Variants in MRC1 observed in about 807,000 individuals in gnomAD.
MRC1 encodes mannose receptor C-type 1.
Under a neutral mutation model 102.9 loss-of-function variants are expected in MRC1, and 62 were observed. The observed-to-expected ratio is 0.60, with a 90% CI of 0.49 to 0.74. The LOEUF is 0.74. MRC1 is among the 30% of genes least tolerant of loss of function. The pLI, the probability that MRC1 is intolerant of heterozygous loss-of-function variation, is 0.00. For synonymous variants in MRC1, 457 were observed against 298.4 expected (o/e 1.53, Z -5.48); for missense variants, 1,237 against 862.8 (o/e 1.43, Z -5.43).
At chr10:17,866,436 C>G (rs1358886398) in intron 11 of MRC1, 126 bp from the exon 12 acceptor site, 3 of 765,614 alleles carry the variant, frequency 3.9e-6, no homozygotes, top group Non-Finnish European at 7.3e-6. Context: ...GTTACAAACC[C>G]CCCTGCATCT....
At position 17,861,595 on chromosome 10, in the gene MRC1, A is replaced by C; in HGVS notation, c.1634+93A>C. 20 of 727,616 alleles carry C rather than the reference A, an allele frequency of 2.7e-5. No homozygotes were observed. In the South Asian group the frequency reaches 2.9e-4, roughly 11 times the overall value. 45.1% of individuals were successfully genotyped at this position (727,616 alleles called of 1,614,324 possible). A position where few individuals can be genotyped will look rare whatever the true frequency, so the allele number is the denominator to read the frequency against. On this transcript the variant is annotated intron_variant, in intron 10 of 29. Coordinates refer to ENST00000569591, the MANE Select transcript of MRC1 (RefSeq NM_002438.4). ...ATCAACATGCTCTAAATTTCTGAGT[A>C]TGTGTGATCTTGAGGTATGATTTGT...
At chr10:17,870,421 CT>C (rs1833338204) in intron 13 of MRC1, 48 bp downstream of exon 13, 2 of 779,258 alleles carry the variant, frequency 2.6e-6, no homozygotes, top group South Asian at 2.7e-5. Context: ...CTAGTTGGTG[CT>C]TATGAAGTTG....
At chr10:17,819,853 C>G (rs2461141) in intron 1 of MRC1, among the ~76,000 whole-genome samples, 81,211 of 151,960 alleles carry the variant, frequency 0.53, 21,867 homozygotes, top group Middle Eastern at 0.62. Flanking sequence ...GCTGAAGTGG[C>G]AGGATCGCTT....
In MRC1 at chr10:17,847,793, T is replaced by C. The variant is rs1838847626; in HGVS notation, c.1064-1786T>C. ...TTGTTTTCATGCTTTCAAATATGTT[T>C]AAAGTTCATCATTTCAGTTTTTGAA... On this transcript the variant is annotated intron_variant, in intron 6 of 29. Coordinates refer to ENST00000569591, the MANE Select transcript of MRC1 (RefSeq NM_002438.4). 6.5e-5 allele frequency among the ~76,000 whole-genome samples: 9 copies of C among 137,848 alleles called. 1 individual carries two copies. The South Asian group carries it at 2.0e-3, about 31-fold the overall frequency. 90.4% of individuals were successfully genotyped at this position (137,848 alleles called of 152,430 possible).
intron 1 of MRC1, among the ~76,000 whole-genome samples, chr10:17,816,859 C>T (rs1193089106): frequency 2.6e-5 from 4 of 152,164 alleles, no homozygotes; most frequent in Admixed American, 2.0e-4. Flanking sequence ...ACTTATCTCC[C>T]TGAACAATCA....
chr10:17,876,660 TTA>T (rs1833441665), intron 17 of MRC1, among the ~76,000 whole-genome samples: 1 of 152,218 alleles, frequency 6.6e-6, no homozygotes, highest in Admixed American at 6.5e-5. Flanking sequence ...TAACTAGTTG[TTA>T]TATGTCAGTC....
At chr10:17,909,210 A>G (rs2130727997) in intron 28 of MRC1, 96 bp from the exon 29 acceptor site, 1 of 736,076 alleles carries the variant, frequency 1.4e-6, no homozygotes, top group Middle Eastern at 2.5e-4. Context: ...CACACATCAA[A>G]TGTGGAGGAT....
chr10:17,906,986 C>T lies in MRC1; in HGVS notation c.3900C>T (p.Phe1300=). 5.1e-6 allele frequency: 4 copies of T among 784,742 alleles called. No homozygotes were observed. The highest frequency in any genetic ancestry group is 2.4e-5 in the East Asian group (1 of 41,220). The allele number at this position is 784,742 out of a possible 1,614,324, so 48.6% of individuals were successfully genotyped here. A position where few individuals can be genotyped will look rare whatever the true frequency, so the allele number is the denominator to read the frequency against. ...KSKTNFWIGL[F]RNVEGTWLWI... ...AAACCAATTTTTGGATAGGATTGTT[C>T]AGAAATGTTGAAGGTAATTTTTGCA... Residue 1300 remains phenylalanine, a synonymous_variant, in exon 27 of 30, where the codon TTC becomes TTT. Transcript: ENST00000569591.
chr10:17,876,985 C>T (rs953345911), intron 17 of MRC1, among the ~76,000 whole-genome samples: 1 of 151,714 alleles, frequency 6.6e-6, no homozygotes, highest in Admixed American at 6.6e-5. Context: ...TATAAAGGTA[C>T]TAGAGTATAC....
At chr10:17,825,435 T>C (rs1457549369) in intron 2 of MRC1, among the ~76,000 whole-genome samples, 9 of 152,150 alleles carry the variant, frequency 5.9e-5, no homozygotes, top group African/African-American at 2.2e-4. Flanking sequence ...TCAGTAGTTA[T>C]TAAACAGAGT....
intron 1 of MRC1, among the ~76,000 whole-genome samples, chr10:17,814,844 T>C (rs1838286351): frequency 6.6e-6 from 1 of 151,908 alleles, no homozygotes; most frequent in Non-Finnish European, 1.5e-5. Context: ...TTTGTATTTT[T>C]AGTAGAGACG....
At chr10:17,835,656 C>T (rs1838651379) in intron 4 of MRC1, among the ~76,000 whole-genome samples, 2 of 152,178 alleles carry the variant, frequency 1.3e-5, no homozygotes, top group Admixed American at 1.3e-4. Context: ...CAAACATTTG[C>T]TGACTGACAT....
chr10:17,814,743 T>C (rs968318389), intron 1 of MRC1, among the ~76,000 whole-genome samples: 6 of 137,792 alleles, frequency 4.4e-5, no homozygotes, highest in Middle Eastern at 4.4e-3. Context: ...TGGAGTGCAG[T>C]GGCGCCATCT....
intron 6 of MRC1, among the ~76,000 whole-genome samples, chr10:17,847,830 G>A (rs963455988): frequency 1.3e-4 from 19 of 151,896 alleles, no homozygotes; most frequent in African/African-American, 4.6e-4. Context: ...GACAGCATTG[G>A]CTGATACTAT....
At chr10:17,895,556 G>A (rs2130711286) in intron 23 of MRC1, among the ~76,000 whole-genome samples, 1 of 152,138 alleles carries the variant, frequency 6.6e-6, no homozygotes, top group Middle Eastern at 3.4e-3. Flanking sequence ...TATATCTTGT[G>A]TGCCTTAAAC....
At chr10:17,854,462 C>A (rs1417188884) in intron 8 of MRC1, among the ~76,000 whole-genome samples, 2 of 151,950 alleles carry the variant, frequency 1.3e-5, no homozygotes, top group African/African-American at 4.8e-5. Context: ...CAGAAAGCAG[C>A]ATGCTTGGAG....
At chr10:17,847,816 GA>G (rs1838847895) in intron 6 of MRC1, among the ~76,000 whole-genome samples, 1 of 45,694 alleles carries the variant, frequency 2.2e-5, no homozygotes, top group Non-Finnish European at 3.9e-5. Flanking sequence ...TTCAGTTTTT[GA>G]AGGACAGCAT....
chr10:17,874,207 C>G (rs1369045630), intron 16 of MRC1, among the ~76,000 whole-genome samples: 1 of 152,152 alleles, frequency 6.6e-6, no homozygotes, highest in Admixed American at 6.5e-5. Context: ...GGGCCAAAAT[C>G]CAGATGTTGG....
chr10:17,814,812 G>A (rs1838285910), intron 1 of MRC1, among the ~76,000 whole-genome samples: 1 of 150,078 alleles, frequency 6.7e-6, no homozygotes, highest in Non-Finnish European at 1.5e-5. Flanking sequence ...TTATAGGCGT[G>A]CACCACCCTG....
Sources: allele counts gnomAD v4.1 joint callset (sites outside exome capture counted in the v4.1 genomes callset), GRCh38; gene constraint gnomAD v4.1.1; transcripts MANE v1.5; gene names NCBI Gene and HGNC (gene_info 2026-07-23, HGNC 2026-07-21).